The following ARHGAP24 variants were observed in gnomAD, a reference collection of about 807,000 sequenced individuals.
The protein encoded by ARHGAP24 is Rho GTPase activating protein 24.
ARHGAP24 carries 50 observed loss-of-function variants against 76.4 expected under a neutral mutation model. The ratio of observed to expected loss-of-function variants is 0.65; its 90% CI spans 0.52 to 0.83. The LOEUF (loss-of-function observed/expected upper bound fraction) is 0.83, where lower values mean the gene tolerates loss of function less well. Among genes scored for constraint, ARHGAP24 ranks in the 40% least tolerant of loss-of-function variants. ARHGAP24 has a pLI of 0.00. For missense variants in ARHGAP24, 930 were observed against 914.2 expected, an observed-to-expected ratio of 1.02 and a Z score of -0.22; for synonymous variants, 345 against 323.3, an observed-to-expected ratio of 1.07 and a Z score of -0.72.
chr4:85,620,878 C>T (rs1459971677), intron 2 of ARHGAP24, among the ~76,000 whole-genome samples: 2 of 151,958 alleles, frequency 1.3e-5, no homozygotes, highest in East Asian at 3.9e-4. Context: ...ACTTACCACT[C>T]AGATGGTGAG....
intron 2 of ARHGAP24, among the ~76,000 whole-genome samples, chr4:85,701,370 C>T (rs924281771): frequency 3.9e-5 from 6 of 152,036 alleles, no homozygotes; most frequent in Non-Finnish European, 5.9e-5. Context: ...GATTTTAGTG[C>T]ACCCATCACC....
intron 3 of ARHGAP24, among the ~76,000 whole-genome samples, chr4:85,790,413 A>G (rs1460035524): frequency 1.3e-5 from 2 of 152,126 alleles, no homozygotes; most frequent in African/African-American, 2.4e-5. Context: ...GAAAACAATC[A>G]TTTGTCTGTC....
intron 3 of ARHGAP24, among the ~76,000 whole-genome samples, chr4:85,805,274 T>G (rs1389105140): frequency 6.6e-6 from 1 of 152,132 alleles, no homozygotes; most frequent in African/African-American, 2.4e-5. Flanking sequence ...CCATTCCCCT[T>G]GCGTCCTTTC....
At chr4:85,815,875 A>G (rs1270033281) in intron 3 of ARHGAP24, among the ~76,000 whole-genome samples, 2 of 152,198 alleles carry the variant, frequency 1.3e-5, no homozygotes, top group African/African-American at 4.8e-5. Context: ...AAAGAGGTTT[A>G]TTGGACTTAT....
chr4:85,668,607 A>G (rs889451220), intron 2 of ARHGAP24, among the ~76,000 whole-genome samples: 1 of 152,212 alleles, frequency 6.6e-6, no homozygotes. Flanking sequence ...AGTTAGGCAA[A>G]GAGGGAGAGA....
intron 3 of ARHGAP24, among the ~76,000 whole-genome samples, chr4:85,883,775 A>G (rs1363758288): frequency 4.0e-5 from 6 of 150,494 alleles, no homozygotes; most frequent in Non-Finnish European, 7.5e-5. Context: ...ACGTAACACA[A>G]ATTATGAAGC....
intron 3 of ARHGAP24, among the ~76,000 whole-genome samples, chr4:85,917,133 A>G (rs985799796): frequency 6.6e-6 from 1 of 152,084 alleles, no homozygotes; most frequent in Admixed American, 6.5e-5. Flanking sequence ...TCATTGTTCA[A>G]TTCCCACCTA....
intron 1 of ARHGAP24, among the ~76,000 whole-genome samples, chr4:85,515,358 C>G (rs987756704): frequency 3.7e-5 from 5 of 136,092 alleles, no homozygotes; most frequent in African/African-American, 2.7e-5. Context: ...TATATCCACT[C>G]TATGCAGGTA....
intron 3 of ARHGAP24, among the ~76,000 whole-genome samples, chr4:85,904,918 C>A (rs1734690042): frequency 6.6e-6 from 1 of 152,104 alleles, no homozygotes; most frequent in South Asian, 2.1e-4. Flanking sequence ...TTTCATATCA[C>A]AAAACCCCAA....
chr4:85,834,228 C>T (rs1312319588), intron 3 of ARHGAP24, among the ~76,000 whole-genome samples: 2 of 152,092 alleles, frequency 1.3e-5, no homozygotes, highest in Non-Finnish European at 2.9e-5. Context: ...TAAATTTGAT[C>T]ATCACAGAAT....
chr4:85,956,157 C>G (rs189302217), intron 5 of ARHGAP24, among the ~76,000 whole-genome samples: 1 of 152,270 alleles, frequency 6.6e-6, no homozygotes, highest in East Asian at 1.9e-4. Flanking sequence ...AACTGACTCC[C>G]AGGAATTTGC....
At chr4:85,540,528 T>C (rs1169174733) in intron 1 of ARHGAP24, among the ~76,000 whole-genome samples, 3 of 152,224 alleles carry the variant, frequency 2.0e-5, no homozygotes, top group African/African-American at 7.2e-5. Context: ...GAGCATAGTT[T>C]ACTACAACAT....
At chr4:85,614,627 A>G (rs1006547047) in intron 2 of ARHGAP24, among the ~76,000 whole-genome samples, 3 of 152,220 alleles carry the variant, frequency 2.0e-5, no homozygotes, top group Non-Finnish European at 2.9e-5. Context: ...CATATTTCCT[A>G]TCATTGATTA....
chr4:85,948,180 C>A (rs2148829855), intron 5 of ARHGAP24, among the ~76,000 whole-genome samples: 1 of 152,112 alleles, frequency 6.6e-6, no homozygotes, highest in East Asian at 1.9e-4. Context: ...AAAATCAGAT[C>A]AATAGTTAAG....
intron 1 of ARHGAP24, among the ~76,000 whole-genome samples, chr4:85,567,996 A>G (rs1578042774): frequency 6.6e-6 from 1 of 152,330 alleles, no homozygotes; most frequent in African/African-American, 2.4e-5. Flanking sequence ...AAATATAGGC[A>G]TTATAGTCAG....
chr4:85,659,852 A>C (rs4693122), intron 2 of ARHGAP24, among the ~76,000 whole-genome samples: 1 of 151,996 alleles, frequency 6.6e-6, no homozygotes, highest in East Asian at 1.9e-4. Flanking sequence ...GTAGTACCAC[A>C]CACTTCCCCA....
chr4:85,935,805 C>G (rs373985628), intron 4 of ARHGAP24, among the ~76,000 whole-genome samples: 1 of 152,270 alleles, frequency 6.6e-6, no homozygotes, highest in Non-Finnish European at 1.5e-5. Context: ...TCCACTGGGT[C>G]GCTATGTACA....
intron 2 of ARHGAP24, among the ~76,000 whole-genome samples, chr4:85,624,590 G>A (rs962069785): frequency 1.3e-5 from 2 of 152,306 alleles, no homozygotes; most frequent in African/African-American, 4.8e-5. Context: ...TCAGGATGAT[G>A]CTGGCCTCAT....
intron 3 of ARHGAP24, among the ~76,000 whole-genome samples, chr4:85,733,209 G>A (rs1478865248): frequency 2.0e-5 from 3 of 151,056 alleles, no homozygotes; most frequent in South Asian, 4.2e-4. Context: ...GACTACAGGC[G>A]CCCACCACCA....
Sources: allele counts gnomAD v4.1 joint callset (sites outside exome capture counted in the v4.1 genomes callset), GRCh38; gene constraint gnomAD v4.1.1; transcripts MANE v1.5; gene names NCBI Gene and HGNC (gene_info 2026-07-23, HGNC 2026-07-21).